Variants in EYS observed in about 807,000 individuals in gnomAD.
EYS encodes EGF-like photoreceptor maintenance factor, also known as protein eyes shut homolog.
A neutral mutation model predicts 282.1 loss-of-function variants in EYS; 250 were observed. That is an observed-to-expected ratio of 0.89 (90% CI 0.80 to 0.98). EYS has a LOEUF of 0.98. Among genes scored for constraint, EYS ranks in the 50% least tolerant of loss-of-function variants. The pLI is 0.00. For synonymous variants in EYS, 1,355 were observed against 1,282.9 expected, an observed-to-expected ratio of 1.06 and a Z score of -1.20; for missense variants, 4,016 against 3,709.0, an observed-to-expected ratio of 1.08 and a Z score of -2.15.
chr6:64,126,365 A>G (rs919784588), intron 31 of EYS, among the ~76,000 whole-genome samples: 1 of 125,544 alleles, frequency 8.0e-6, no homozygotes, highest in Non-Finnish European at 1.8e-5. Context: ...CATGGAATAC[A>G]ATGCACTATT....
chr6:63,936,316 GA>G (rs1765055822), intron 35 of EYS, among the ~76,000 whole-genome samples: 1 of 152,210 alleles, frequency 6.6e-6, no homozygotes. Flanking sequence ...ACTTGTCTCA[GA>G]ATTCCATATT....
chr6:64,632,012 T>G (rs1160672796), intron 22 of EYS, among the ~76,000 whole-genome samples: 3 of 151,856 alleles, frequency 2.0e-5, no homozygotes, highest in African/African-American at 4.8e-5. Context: ...TGCTGGGCTT[T>G]GATAATATAA....
At chr6:64,183,235 A>G (rs905553335) in intron 31 of EYS, among the ~76,000 whole-genome samples, 3 of 152,126 alleles carry the variant, frequency 2.0e-5, no homozygotes, top group Admixed American at 1.3e-4. Context: ...CGGAACTGTG[A>G]GTTAATTGAA....
In EYS at chr6:64,725,131, T is replaced by A. The variant is rs183089234; in HGVS notation, c.3443+88247A>T. Among the ~76,000 whole-genome samples, 302 of 152,200 alleles carry A rather than the reference T, an allele frequency of 2.0e-3. 1 individual carries two copies. The highest frequency in any genetic ancestry group is 7.0e-3 in the African/African-American group (291 of 41,534). ...CCATTTCTGGTCACAGATGGGAAAA[T>A]CTTACATTTAAGATCCTCTCTAATA... On this transcript the variant is annotated intron_variant, in intron 22 of 42. Transcript: ENST00000503581.
At chr6:63,771,577 T>G (rs1179086468) in intron 40 of EYS, among the ~76,000 whole-genome samples, 1 of 152,200 alleles carries the variant, frequency 6.6e-6, no homozygotes, top group East Asian at 1.9e-4. Flanking sequence ...GAGCTAGAGA[T>G]GACTTTAGAA....
chr6:65,295,259 A>G (rs1156801062), intron 12 of EYS, among the ~76,000 whole-genome samples: 2 of 151,942 alleles, frequency 1.3e-5, no homozygotes, highest in African/African-American at 4.8e-5. Context: ...AATTATATCA[A>G]TGTAAGACCA....
At chr6:64,605,980 TC>T (rs1196645499) in intron 24 of EYS, among the ~76,000 whole-genome samples, 2 of 152,012 alleles carry the variant, frequency 1.3e-5, no homozygotes, top group African/African-American at 2.4e-5. Flanking sequence ...CATCTTACGT[TC>T]CTCCATTGGA....
chr6:64,543,669 A>T (rs1764757232), intron 26 of EYS, among the ~76,000 whole-genome samples: 4 of 152,178 alleles, frequency 2.6e-5, no homozygotes. Context: ...TTGCAAATAA[A>T]CATTTGTAAT....
At chr6:63,957,220 C>A (rs1490823633) in intron 35 of EYS, among the ~76,000 whole-genome samples, 1 of 108,456 alleles carries the variant, frequency 9.2e-6, no homozygotes, top group African/African-American at 2.6e-5. Flanking sequence ...CTATTTTAAA[C>A]AGTGAAATTA....
At chr6:65,292,801 A>T (rs1562076841) in intron 12 of EYS, among the ~76,000 whole-genome samples, 1 of 151,752 alleles carries the variant, frequency 6.6e-6, no homozygotes, top group Non-Finnish European at 1.5e-5. Flanking sequence ...ATGGAAAAGA[A>T]ATTAATCCTG....
rs142400907 is a variant in EYS, at chr6:64,663,913, G to C, written c.3444-37668C>G. Among the ~76,000 whole-genome samples, 60 of 152,302 alleles carry C rather than the reference G, an allele frequency of 3.9e-4. 1 individual carries two copies. In the East Asian group the frequency reaches 0.011, roughly 29 times the overall value. ...AGAGAACCATGGAACCCAGCGACTA[G>C]TGTTAAGCTAGATTAGGATGAACCT... On this transcript the variant is annotated intron_variant, in intron 22 of 42. Transcript: ENST00000503581.
At chr6:64,736,580 C>G (rs1772188999) in intron 22 of EYS, among the ~76,000 whole-genome samples, 2 of 152,146 alleles carry the variant, frequency 1.3e-5, no homozygotes, top group Admixed American at 6.5e-5. Flanking sequence ...TCCCTTTGGC[C>G]CATTCTCGTA....
chr6:65,508,394 C>T (rs187424943), intron 2 of EYS, among the ~76,000 whole-genome samples: 1 of 152,074 alleles, frequency 6.6e-6, no homozygotes, highest in African/African-American at 2.4e-5. Context: ...GTTTCTTCTG[C>T]CAGGAGTGGT....
intron 35 of EYS, among the ~76,000 whole-genome samples, chr6:63,947,453 C>A (rs943897522): frequency 8.0e-4 from 121 of 151,884 alleles, no homozygotes; most frequent in African/African-American, 2.7e-3. Context: ...ATAATTACTG[C>A]TATTAGCCTA....
chr6:63,783,019 C>A (rs1388014817), intron 39 of EYS, among the ~76,000 whole-genome samples: 1 of 150,442 alleles, frequency 6.6e-6, no homozygotes, highest in Non-Finnish European at 1.5e-5. Flanking sequence ...CCCATATGGG[C>A]TCTTCTTTGA....
At chr6:65,250,374 A>G (rs1234031457) in intron 12 of EYS, among the ~76,000 whole-genome samples, 5 of 152,010 alleles carry the variant, frequency 3.3e-5, no homozygotes, top group Admixed American at 2.0e-4. Flanking sequence ...GTCTACCCTT[A>G]TTAGCTGAGG....
At chr6:64,081,796 A>G (rs1248417579) in intron 32 of EYS, 60 bp downstream of exon 32, 7 of 1,275,524 alleles carry the variant, frequency 5.5e-6, no homozygotes, top group Non-Finnish European at 7.5e-6. Context: ...TCATTGATTC[A>G]ATAGATCAAC....
intron 2 of EYS, among the ~76,000 whole-genome samples, chr6:65,602,058 G>A (rs1765634107): frequency 6.6e-6 from 1 of 151,864 alleles, no homozygotes. Context: ...CTTTCGCAGT[G>A]TGGATGCATA....
At chr6:65,360,490 C>T (rs1349498164) in intron 8 of EYS, among the ~76,000 whole-genome samples, 6 of 151,970 alleles carry the variant, frequency 3.9e-5, no homozygotes, top group Non-Finnish European at 8.8e-5. Flanking sequence ...TATTTTGGCT[C>T]TCTGGGGACC....
Sources: allele counts gnomAD v4.1 joint callset (sites outside exome capture counted in the v4.1 genomes callset), GRCh38; gene constraint gnomAD v4.1.1; transcripts MANE v1.5; gene names NCBI Gene and HGNC (gene_info 2026-07-23, HGNC 2026-07-21).